Variants in HTR1F observed in about 807,000 individuals in gnomAD.
HTR1F encodes the protein 5-hydroxytryptamine receptor 1F.
A neutral mutation model predicts 24.0 loss-of-function variants in HTR1F; 17 were observed. The ratio of observed to expected loss-of-function variants is 0.71; its 90% confidence interval spans 0.48 to 1.06. HTR1F has a LOEUF of 1.06. Among genes scored for constraint, HTR1F ranks in the 50% least tolerant of loss-of-function variants. The pLI, the probability that HTR1F is intolerant of heterozygous loss-of-function variation, is 0.00. For missense variants in HTR1F, 391 were observed against 427.8 expected (o/e 0.91, Z 0.76); for synonymous variants, 186 against 156.8 (o/e 1.19, Z -1.39).
At chr3:87,937,839 G>A (rs1204962808) in intron 2 of HTR1F, among the ~76,000 whole-genome samples, 8 of 151,374 alleles carry the variant, frequency 5.3e-5, no homozygotes, top group East Asian at 3.9e-4. Flanking sequence ...CAGGAGAATC[G>A]CTTGAACCCA....
At chr3:87,890,229 C>G (rs1159948672) in intron 2 of HTR1F, among the ~76,000 whole-genome samples, 3 of 152,172 alleles carry the variant, frequency 2.0e-5, no homozygotes, top group Admixed American at 6.5e-5. Context: ...AAATGATATT[C>G]AGTGCATTAA....
chr3:87,900,462 G>A (rs1481940723), intron 2 of HTR1F, among the ~76,000 whole-genome samples: 1 of 152,134 alleles, frequency 6.6e-6, no homozygotes, highest in Non-Finnish European at 1.5e-5. Context: ...AAATAAGATG[G>A]TAAGTAATTG....
intron 2 of HTR1F, among the ~76,000 whole-genome samples, chr3:87,935,487 C>G (rs1235008378): frequency 4.6e-5 from 7 of 151,458 alleles, no homozygotes; most frequent in Admixed American, 1.3e-4. Flanking sequence ...AAAGATCTTC[C>G]ACTAAATGAG....
At chr3:87,829,720 G>T (rs907826731) in intron 2 of HTR1F, among the ~76,000 whole-genome samples, 14 of 152,292 alleles carry the variant, frequency 9.2e-5, no homozygotes, top group African/African-American at 3.1e-4. Context: ...TGCTCATGGA[G>T]ATAATATATA....
intron 2 of HTR1F, among the ~76,000 whole-genome samples, chr3:87,986,321 TG>T (rs1490336794): frequency 3.3e-5 from 5 of 152,224 alleles, no homozygotes; most frequent in Non-Finnish European, 5.9e-5. Context: ...TGGTTGCCTT[TG>T]TTTTTCTATT....
intron 2 of HTR1F, among the ~76,000 whole-genome samples, chr3:87,951,954 T>G (rs1351732916): frequency 6.6e-6 from 1 of 152,084 alleles, no homozygotes; most frequent in Non-Finnish European, 1.5e-5. Flanking sequence ...TTCTTTCATT[T>G]AGTAATATGC....
rs369035395 is a variant in HTR1F at position 87,949,611 on chromosome 3, C to T, written c.-42-41097C>T. Among the ~76,000 whole-genome samples the T allele has an allele frequency of 1.1e-3, 169 of 152,246 alleles. 1 individual carries two copies. Among genetic ancestry groups the T allele is most frequent in the South Asian group, 6.8e-3 (33 of 4,830 alleles). On this transcript the variant is annotated intron_variant, in intron 2 of 2. Transcript: ENST00000319595. ...GGGATGGCTGACAGTCTTTTTGTTT[C>T]TTATTGCCACTTTCAGATCTTTGCC...
intron 2 of HTR1F, among the ~76,000 whole-genome samples, chr3:87,941,915 T>C (rs2343780): frequency 6.6e-6 from 1 of 152,086 alleles, no homozygotes; most frequent in Non-Finnish European, 1.5e-5. Context: ...GCAGGGGCTA[T>C]TGCATGGTTT....
At chr3:87,950,786 G>A (rs1704816623) in intron 2 of HTR1F, among the ~76,000 whole-genome samples, 1 of 152,134 alleles carries the variant, frequency 6.6e-6, no homozygotes, top group Non-Finnish European at 1.5e-5. Context: ...CAGAGTTGTT[G>A]TCAATTCATT....
intron 2 of HTR1F, among the ~76,000 whole-genome samples, chr3:87,848,481 C>T (rs1404169262): frequency 6.6e-6 from 1 of 151,776 alleles, no homozygotes; most frequent in African/African-American, 2.4e-5. Flanking sequence ...TCTATTGTTT[C>T]ATTTGCTGTG....
chr3:87,946,626 TA>T (rs753254093), intron 2 of HTR1F, among the ~76,000 whole-genome samples: 7,036 of 109,448 alleles, frequency 0.064, 525 homozygotes, highest in African/African-American at 0.19. Context: ...TATATATATA[TA>T]TTTTTTTTTT....
Position 87,991,415 on chromosome 3 carries a change from G to A in HTR1F, c.666G>A (p.Lys222=). Residue 222 remains lysine (K), a synonymous_variant, in exon 3 of 3, where the codon AAG becomes AAA. Coordinates refer to ENST00000319595, the MANE Select transcript of HTR1F (RefSeq NM_001322209.2). ...AGAGACAAGCAAGTAGGATTGCAAA[G>A]GAGGAGGTGAATGGCCAAGTCCTTT... ...YHKRQASRIA[K]EEVNGQVLLE... The A allele has an allele frequency of 6.2e-7, 1 of 1,614,040 alleles. No homozygotes were observed. Among genetic ancestry groups the A allele is most frequent in the Non-Finnish European group, 8.5e-7 (1 of 1,179,970 alleles).
At chr3:87,847,075 T>A (rs1704961836) in intron 2 of HTR1F, among the ~76,000 whole-genome samples, 1 of 151,338 alleles carries the variant, frequency 6.6e-6, no homozygotes, top group African/African-American at 2.4e-5. Flanking sequence ...AAATAAAAAA[T>A]TCATAAAATA....
intron 2 of HTR1F, among the ~76,000 whole-genome samples, chr3:87,919,442 C>G (rs772422945): frequency 1.1e-4 from 16 of 152,092 alleles, no homozygotes; most frequent in African/African-American, 3.6e-4. Context: ...AGACAACCCA[C>G]AGAGTGGGAA....
chr3:87,934,836 T>A (rs1004329371), intron 2 of HTR1F, among the ~76,000 whole-genome samples: 7 of 152,166 alleles, frequency 4.6e-5, no homozygotes, highest in African/African-American at 1.7e-4. Flanking sequence ...AAATTCAGAA[T>A]GTCTGAATTT....
intron 2 of HTR1F, among the ~76,000 whole-genome samples, chr3:87,982,473 T>C (rs1705565996): frequency 6.6e-6 from 1 of 152,200 alleles, no homozygotes. Flanking sequence ...AAGAAAACTA[T>C]ACTAACTTGG....
chr3:87,914,733 C>G (rs1703854573), intron 2 of HTR1F, among the ~76,000 whole-genome samples: 1 of 151,974 alleles, frequency 6.6e-6, no homozygotes, highest in Non-Finnish European at 1.5e-5. Flanking sequence ...TAGCCCTGCC[C>G]CCACCTGATG....
intron 2 of HTR1F, among the ~76,000 whole-genome samples, chr3:87,937,925 A>C (rs1704465987): frequency 8.3e-6 from 1 of 120,540 alleles, no homozygotes; most frequent in African/African-American, 3.5e-5. Flanking sequence ...CTCCATCTCA[A>C]AAGAAAAAAA....
chr3:87,933,411 A>G (rs1408356839), intron 2 of HTR1F, among the ~76,000 whole-genome samples: 1 of 152,172 alleles, frequency 6.6e-6, no homozygotes, highest in Non-Finnish European at 1.5e-5. Context: ...AGGAAGTCAA[A>G]TCGTCCCTCT....
Sources: allele counts gnomAD v4.1 joint callset (sites outside exome capture counted in the v4.1 genomes callset), GRCh38; gene constraint gnomAD v4.1.1; transcripts MANE v1.5; gene names NCBI Gene and HGNC (gene_info 2026-07-23, HGNC 2026-07-21).